Variants in PHLPP2 observed in about 807,000 individuals in gnomAD.
The protein encoded by PHLPP2 is PH domain and leucine rich repeat protein phosphatase 2.
In PHLPP2, 66 loss-of-function variants were observed where a neutral mutation model predicts 124.9. The ratio of observed to expected loss-of-function variants is 0.53; its 90% CI spans 0.43 to 0.65. PHLPP2 has a LOEUF of 0.65. Among genes scored for constraint, PHLPP2 ranks in the 30% least tolerant of loss-of-function variants. PHLPP2 has a pLI of 0.00. For missense variants in PHLPP2, 1,685 were observed against 1,600.4 expected (o/e 1.05, Z -0.90); for synonymous variants, 681 against 624.7 (o/e 1.09, Z -1.34).
intron 1 of PHLPP2, among the ~76,000 whole-genome samples, chr16:71,721,614 A>T (rs764126163): frequency 1.4e-4 from 21 of 151,908 alleles, no homozygotes; most frequent in African/African-American, 2.9e-4. Flanking sequence ...ATCTTTTTAA[A>T]TTTTTTTTGG....
At chr16:71,685,213 G>A (rs1304189474) in intron 4 of PHLPP2, among the ~76,000 whole-genome samples, 1 of 152,216 alleles carries the variant, frequency 6.6e-6, no homozygotes, top group African/African-American at 2.4e-5. Context: ...TGTAATCCCA[G>A]CTACTTGGGA....
intron 17 of PHLPP2, 75 bp from the exon 18 acceptor site, chr16:71,653,096 CTTCTTTT>C: frequency 6.7e-6 from 5 of 743,560 alleles, no homozygotes; most frequent in South Asian, 1.9e-5. Context: ...ACGTACATCC[CTTCTTTT>C]TTTTTTTTTT....
chr16:71,678,527 C>A, intron 8 of PHLPP2: 1 of 481,116 alleles, frequency 2.1e-6, no homozygotes, highest in Non-Finnish European at 3.7e-6. Flanking sequence ...GAAGTCCCAA[C>A]TACTCGGGAG....
At chr16:71,672,449 A>G in intron 9 of PHLPP2, 127 bp from the exon 10 acceptor site, 2 of 698,770 alleles carry the variant, frequency 2.9e-6, no homozygotes, top group Non-Finnish European at 4.9e-6. Flanking sequence ...AAGATGAGCT[A>G]AAGACAAAAA....
rs1185364222 is a variant in PHLPP2 at position 71,664,043 on chromosome 16, G to C, written c.1841C>G (p.Thr614Ser). The change falls in exon 13 of 19, where the codon ACT becomes AGT. Residue 614 changes from threonine to serine, a missense_variant. Coordinates refer to ENST00000568954, the MANE Select transcript of PHLPP2 (RefSeq NM_015020.3). ...NSLESLPSAC[T>S]GEESLSMLQL... is the part of the protein sequence containing the mutation. ...CAGCATACTCAAACTCTCCTCTCCA[G>C]TGCAGGCGGATGGTAAAGACTCCAG... The C allele has an allele frequency of 6.2e-7, 1 of 1,613,926 alleles. No individual in the cohort carries two copies. Among genetic ancestry groups the C allele is most frequent in the Admixed American group, 1.7e-5 (1 of 60,012 alleles).
intron 6 of PHLPP2, among the ~76,000 whole-genome samples, chr16:71,679,812 G>C (rs2044980449): frequency 6.6e-6 from 1 of 152,188 alleles, no homozygotes; most frequent in Non-Finnish European, 1.5e-5. Flanking sequence ...GCCGGATGCA[G>C]TGGCTTATAC....
Position 71,649,013 on chromosome 16 carries a change from C to T in PHLPP2, c.3849G>A (p.Val1283=), listed in dbSNP as rs756867990. 1.9e-6 allele frequency: 3 copies of T among 1,614,058 alleles called. No homozygotes were observed. The highest frequency in any genetic ancestry group is 2.5e-6 in the Non-Finnish European group (3 of 1,179,966). ...TQMEPEDQFV[V]PHDLEEEVKE... ...TCACTTCTTCTTCCAGGTCATGAGGCACAACAAACTGGTCCTCTGGTTCCA... is the reference window on the plus strand; with the variant it reads ...TCACTTCTTCTTCCAGGTCATGAGGTACAACAAACTGGTCCTCTGGTTCCA... Residue 1283 remains valine (V), a synonymous_variant, in exon 19 of 19, where the codon GTG becomes GTA. Transcript: ENST00000568954.
In PHLPP2 at chr16:71,684,611, AG is replaced by A. The variant is rs746253777; in HGVS notation, c.610-11del. 1.9e-6 allele frequency: 3 copies of A among 1,598,896 alleles called. No homozygotes were observed. The highest frequency in any genetic ancestry group is 2.6e-6 in the Non-Finnish European group (3 of 1,170,946). ...GCTTCACTTCTTCTATCTGAAGAAG[AG>A]GAGGGGAGAAAACCAGAACCACTAA... On this transcript the variant is annotated splice_polypyrimidine_tract_variant and intron_variant, in intron 4 of 18. Transcript: ENST00000568954.
At chr16:71,673,272 A>ATAC (rs1407550510) in intron 9 of PHLPP2, among the ~76,000 whole-genome samples, 1 of 152,192 alleles carries the variant, frequency 6.6e-6, no homozygotes, top group Non-Finnish European at 1.5e-5. Flanking sequence ...ACCTTAGCAG[A>ATAC]TACTACTGAA....
intron 4 of PHLPP2, among the ~76,000 whole-genome samples, chr16:71,689,535 G>A (rs1463718449): frequency 6.6e-6 from 1 of 151,942 alleles, no homozygotes; most frequent in African/African-American, 2.4e-5. Context: ...TGGGATTACA[G>A]GCACCCACCA....
At chr16:71,658,119 C>T (rs1401071608) in intron 15 of PHLPP2, 114 bp downstream of exon 15, 13 of 901,166 alleles carry the variant, frequency 1.4e-5, no homozygotes, top group Non-Finnish European at 2.0e-5. Flanking sequence ...GGCTTTATAG[C>T]CTAACTTCAT....
intron 5 of PHLPP2, among the ~76,000 whole-genome samples, chr16:71,683,046 C>A (rs1264008337): frequency 1.3e-5 from 2 of 152,006 alleles, no homozygotes; most frequent in African/African-American, 4.8e-5. Flanking sequence ...TGGCGCACAC[C>A]TGTAATCCCA....
chr16:71,701,224 C>T (rs542917391), intron 3 of PHLPP2, among the ~76,000 whole-genome samples: 10 of 152,266 alleles, frequency 6.6e-5, no homozygotes, highest in Admixed American at 3.3e-4. Context: ...TAAGTCCTAA[C>T]TTTTGAGGCA....
chr16:71,684,774 C>T lies in PHLPP2; in HGVS notation c.610-173G>A, dbSNP rs1044251459. ...CCAATGGGTCACACATGAACACACC[C>T]AAGGAGTACACAATGATCCCAACAC... On this transcript the variant is annotated intron_variant, in intron 4 of 18. Transcript: ENST00000568954. 3 of 567,454 alleles carry T rather than the reference C, an allele frequency of 5.3e-6. No individual in the cohort carries two copies. In the African/African-American group the frequency reaches 5.7e-5, roughly 11 times the overall value. The allele number at this position is 567,454 out of a possible 1,614,324, so 35.2% of individuals were successfully genotyped here. A position where few individuals can be genotyped will look rare whatever the true frequency, so the allele number is the denominator to read the frequency against.
intron 13 of PHLPP2, among the ~76,000 whole-genome samples, chr16:71,660,640 G>A (rs533683340): frequency 1.4e-4 from 22 of 151,948 alleles, no homozygotes; most frequent in Middle Eastern, 6.8e-3. Context: ...TCCTGACCTC[G>A]TGATCTGCCC....
intron 11 of PHLPP2, among the ~76,000 whole-genome samples, chr16:71,667,754 T>A (rs1281828777): frequency 6.6e-6 from 1 of 152,206 alleles, no homozygotes; most frequent in East Asian, 1.9e-4. Context: ...CACTTAACAA[T>A]GAAGTTAATT....
At chr16:71,703,711 A>G (rs190360329) in intron 2 of PHLPP2, among the ~76,000 whole-genome samples, 1 of 152,278 alleles carries the variant, frequency 6.6e-6, no homozygotes, top group East Asian at 1.9e-4. Context: ...ATTTACTCTC[A>G]CTGTTTTAAA....
chr16:71,648,917 G>C lies in PHLPP2; in HGVS notation c.3945C>G (p.Pro1315=). ...ATAGTGCTGTGTCGAACTCCTCCGG[G>C]GGCTCGGTCCGATCCTCTTCATGGG... is the stretch of plus-strand genomic sequence containing the variant. ...PEPHEEDRTE[P]PEEFDTAL Residue 1315 remains proline (P), a synonymous_variant, in exon 19 of 19, where the codon CCC becomes CCG. Coordinates refer to ENST00000568954, the MANE Select transcript of PHLPP2 (RefSeq NM_015020.3). The C allele has an allele frequency of 6.2e-7, 1 of 1,612,642 alleles. No homozygotes were observed. Among genetic ancestry groups the C allele is most frequent in the East Asian group, 2.2e-5 (1 of 44,870 alleles).
At chr16:71,663,358 G>A (rs368002355) in intron 13 of PHLPP2, among the ~76,000 whole-genome samples, 2 of 152,182 alleles carry the variant, frequency 1.3e-5, no homozygotes, top group South Asian at 2.1e-4. Context: ...TGATCCGCCC[G>A]CCTTGGCCTC....
Sources: allele counts gnomAD v4.1 joint callset (sites outside exome capture counted in the v4.1 genomes callset), GRCh38; gene constraint gnomAD v4.1.1; transcripts MANE v1.5; gene names NCBI Gene and HGNC (gene_info 2026-07-23, HGNC 2026-07-21).